ERBIN: variants seen among roughly 807,000 people sequenced by gnomAD.
ERBIN encodes the protein erbb2 interacting protein, also known as densin-180-like protein.
Under a neutral mutation model 158.4 loss-of-function variants are expected in ERBIN, and 60 were observed. The ratio of observed to expected loss-of-function variants is 0.38; its 90% CI spans 0.31 to 0.47. ERBIN has a LOEUF of 0.47. Ranked by LOEUF, ERBIN falls within the 20% of genes least tolerant of loss-of-function variation. ERBIN has a pLI of 0.99. For missense variants in ERBIN, 1,610 were observed against 1,648.0 expected (o/e 0.98, Z 0.40); for synonymous variants, 594 against 557.2 (o/e 1.07, Z -0.93).
At chr5:66,058,101 AATC>A (rs1759818050) in intron 21 of ERBIN, among the ~76,000 whole-genome samples, 1 of 152,034 alleles carries the variant, frequency 6.6e-6, no homozygotes, top group African/African-American at 2.4e-5. Flanking sequence ...ATCCCTGAGG[AATC>A]GCCACACTGA....
chr5:66,017,630 A>G (rs1393089942), intron 7 of ERBIN, among the ~76,000 whole-genome samples: 5 of 148,980 alleles, frequency 3.4e-5, no homozygotes, highest in Admixed American at 6.8e-5. Flanking sequence ...TGGTTTGTTC[A>G]TTTTGTTGAT....
intron 1 of ERBIN, among the ~76,000 whole-genome samples, chr5:65,938,631 C>T (rs564999554): frequency 2.0e-5 from 3 of 152,274 alleles, no homozygotes; most frequent in South Asian, 4.1e-4. Flanking sequence ...GGGCTCATTG[C>T]AACCTCCACC....
At chr5:66,013,033 A>G (rs1262028250) in intron 5 of ERBIN, among the ~76,000 whole-genome samples, 2 of 152,122 alleles carry the variant, frequency 1.3e-5, no homozygotes, top group Non-Finnish European at 2.9e-5. Context: ...TTTGGTTTTC[A>G]CAGTGGGGTA....
chr5:66,025,334 G>C (rs556594943), intron 10 of ERBIN, 146 bp from the exon 11 acceptor site: 1 of 681,900 alleles, frequency 1.5e-6, no homozygotes, highest in African/African-American at 1.8e-5. Context: ...TAGAACATTG[G>C]GATTGGGAGT....
intron 9 of ERBIN, 122 bp from the exon 10 acceptor site, chr5:66,024,184 A>G (rs1755997435): frequency 3.2e-6 from 2 of 632,286 alleles, no homozygotes; most frequent in African/African-American, 3.8e-5. Context: ...ACTACCTGGG[A>G]GTCTTCTTTC....
At chr5:65,992,983 A>G (rs570978782) in intron 3 of ERBIN, 76 bp downstream of exon 3, 63 of 1,156,380 alleles carry the variant, frequency 5.4e-5, no homozygotes, top group African/African-American at 5.3e-4. Flanking sequence ...TAATATTGCT[A>G]TAAAGTTGCC....
intron 24 of ERBIN, 126 bp downstream of exon 24, chr5:66,076,534 C>T: frequency 2.7e-6 from 2 of 751,236 alleles, no homozygotes; most frequent in Non-Finnish European, 4.4e-6. Context: ...GGATTCCCCA[C>T]TCTATTGCTT....
intron 1 of ERBIN, among the ~76,000 whole-genome samples, chr5:65,929,388 G>A (rs1016421582): frequency 6.6e-6 from 1 of 152,156 alleles, no homozygotes; most frequent in African/African-American, 2.4e-5. Flanking sequence ...TTTGGAAATA[G>A]ATTATGGCAG....
At chr5:65,973,766 A>C (rs999726165) in intron 1 of ERBIN, among the ~76,000 whole-genome samples, 3 of 151,382 alleles carry the variant, frequency 2.0e-5, no homozygotes, top group Admixed American at 1.3e-4. Flanking sequence ...TTCAGTAGTA[A>C]AGTTGTATAA....
At chr5:66,057,467 T>A in intron 21 of ERBIN, among the ~76,000 whole-genome samples, 1 of 152,326 alleles carries the variant, frequency 6.6e-6, no homozygotes, top group East Asian at 1.9e-4. Context: ...TAGGTTATTT[T>A]ATGATGGTAA....
At position 65,990,582 on chromosome 5, in the gene ERBIN, C is replaced by T. The variant is rs184685341; in HGVS notation, c.-10+1900C>T. ...CTGAGGCAGGAGAATGGCGTGAACC[C>T]GGGCAGCGGAGCTTGCAGTGAGCTG... On this transcript the variant is annotated intron_variant, in intron 2 of 25. Coordinates refer to ENST00000284037, the MANE Select transcript of ERBIN (RefSeq NM_001253697.2). Among the ~76,000 whole-genome samples, 493 of 151,666 alleles carry T rather than the reference C, an allele frequency of 3.3e-3. 7 individuals are homozygous for T. Among genetic ancestry groups the T allele is most frequent in the Admixed American group, 0.025 (375 of 15,234 alleles).
chr5:66,025,550 AG>A lies in ERBIN; in HGVS notation c.890+1del, dbSNP rs1165238710. On this transcript the variant is annotated frameshift_variant and splice_region_variant, in exon 11 of 26. Coordinates refer to ENST00000284037, the MANE Select transcript of ERBIN (RefSeq NM_001253697.2). LOFTEE classifies it high-confidence loss of function. ...QLMYLPDSIGGLISVEELDCS... is the reference protein window; with the variant it reads ...QLMYLPDSIGXLISVEELDCS... ...TAATGTATCTGCCAGACTCTATAGGAGGGTAAGTTTTTTGTGAATGTATACA... is the reference window on the plus strand; with the variant it reads ...TAATGTATCTGCCAGACTCTATAGGAGGTAAGTTTTTTGTGAATGTATACA... 1 of 1,610,108 alleles carries A rather than the reference AG, an allele frequency of 6.2e-7. No homozygotes were observed. The highest frequency in any genetic ancestry group is 8.5e-7 in the Non-Finnish European group (1 of 1,177,042).
intron 21 of ERBIN, 133 bp downstream of exon 21, chr5:66,055,084 G>T (rs1284077802): frequency 7.1e-7 from 1 of 1,413,368 alleles, no homozygotes; most frequent in African/African-American, 1.4e-5. Context: ...ACTGGGAATA[G>T]AGTTCCAAAT....
intron 2 of ERBIN, among the ~76,000 whole-genome samples, chr5:65,989,699 G>A (rs1182375526): frequency 1.3e-5 from 2 of 152,172 alleles, no homozygotes; most frequent in East Asian, 1.9e-4. Flanking sequence ...TTTGGACCCA[G>A]TATGGTCCAG....
chr5:65,981,138 G>C (rs1750612085), intron 1 of ERBIN, among the ~76,000 whole-genome samples: 1 of 151,990 alleles, frequency 6.6e-6, no homozygotes, highest in Non-Finnish European at 1.5e-5. Flanking sequence ...AATGAGGTTT[G>C]GTAGATTACC....
chr5:65,992,915 A>G lies in ERBIN; in HGVS notation c.189+8A>G. 6.5e-7 allele frequency: 1 copy of G among 1,535,516 alleles called. No individual in the cohort carries two copies. The highest frequency in any genetic ancestry group is 8.8e-7 in the Non-Finnish European group (1 of 1,141,236). On this transcript the variant is annotated splice_region_variant and intron_variant, in intron 3 of 25. Coordinates refer to ENST00000284037, the MANE Select transcript of ERBIN (RefSeq NM_001253697.2). Reference sequence around the variant, plus strand: ...ATTGAAGAGCTTCCAAAGGTATGCTAATACTTTCTTTCAAGAATTATCTTT... The same window carrying G: ...ATTGAAGAGCTTCCAAAGGTATGCTGATACTTTCTTTCAAGAATTATCTTT...
At position 66,050,864 on chromosome 5, in the gene ERBIN, C is replaced by G. The variant is rs1758947797; in HGVS notation, c.1985C>G (p.Ser662Cys). 1.9e-6 allele frequency: 3 copies of G among 1,603,542 alleles called. No homozygotes were observed. Among genetic ancestry groups the G allele is most frequent in the African/African-American group, 2.7e-5 (2 of 73,978 alleles). The change falls in exon 20 of 26, where the codon TCT becomes TGT. Residue 662 changes from serine to cysteine, a missense_variant. Coordinates refer to ENST00000284037, the MANE Select transcript of ERBIN (RefSeq NM_001253697.2). ...NQNNSNCSSPSRMSDSVSLNT... is the reference protein window; with the variant it reads ...NQNNSNCSSPCRMSDSVSLNT... ...AATAACAGCAATTGTTCTTCTCCAT[C>G]TCGGATGTCTGATTCAGTTTCTCTT...
intron 1 of ERBIN, among the ~76,000 whole-genome samples, chr5:65,937,350 C>A (rs1435301829): frequency 2.0e-5 from 3 of 152,204 alleles, no homozygotes; most frequent in Non-Finnish European, 4.4e-5. Flanking sequence ...TAGCTTTATG[C>A]TCCCCAAATT....
intron 4 of ERBIN, among the ~76,000 whole-genome samples, chr5:66,005,360 G>GA (rs1753473761): frequency 6.6e-6 from 1 of 152,100 alleles, no homozygotes; most frequent in Non-Finnish European, 1.5e-5. Flanking sequence ...ATTTTTAATA[G>GA]AAAAAATCAG....
Sources: gnomAD v4.1 joint callset for allele counts (sites outside exome capture counted in the v4.1 genomes callset) on GRCh38, gnomAD v4.1.1 for gene constraint, MANE v1.5 for transcripts, NCBI Gene and HGNC (gene_info 2026-07-23, HGNC 2026-07-21) for gene names.